The following HPGDS variants were observed in gnomAD, a reference collection of about 807,000 sequenced individuals.
HPGDS encodes hematopoietic prostaglandin D synthase, also known as GST class-sigma.
A neutral mutation model predicts 23.1 loss-of-function variants in HPGDS; 26 were observed. The ratio of observed to expected loss-of-function variants is 1.13; its 90% CI spans 0.83 to 1.56. The LOEUF is 1.56. HPGDS is among the 40% of genes most tolerant of loss of function. The probability of loss-of-function intolerance (pLI) is 0.00; values close to 1 mark genes in which losing one functional copy is unlikely to be tolerated. For synonymous variants in HPGDS, 95 were observed against 77.9 expected (o/e 1.22, Z -1.16); for missense variants, 268 against 236.4 (o/e 1.13, Z -0.88).
intron 4 of HPGDS, among the ~76,000 whole-genome samples, chr4:94,307,795 A>G (rs2126036103): frequency 1.3e-5 from 2 of 152,274 alleles, no homozygotes; most frequent in South Asian, 4.1e-4. Context: ...GCAATTACTA[A>G]TTTTAAGGAA....
chr4:94,319,199 A>T (rs1168668806), intron 2 of HPGDS, among the ~76,000 whole-genome samples: 1 of 152,160 alleles, frequency 6.6e-6, no homozygotes, highest in Non-Finnish European at 1.5e-5. Context: ...TATTTGCTTC[A>T]TATATTTGGG....
intron 2 of HPGDS, 90 bp from the exon 3 acceptor site, chr4:94,318,055 A>T: frequency 1.4e-6 from 1 of 710,914 alleles, no homozygotes; most frequent in South Asian, 1.8e-5. Context: ...AAAACAAAGC[A>T]TGATTTTATG....
At chr4:94,310,951 G>T (rs1049777617) in intron 3 of HPGDS, among the ~76,000 whole-genome samples, 1 of 151,986 alleles carries the variant, frequency 6.6e-6, no homozygotes, top group African/African-American at 2.4e-5. Flanking sequence ...TGTTATTGGT[G>T]TATAAGAATA....
intron 2 of HPGDS, among the ~76,000 whole-genome samples, chr4:94,323,028 G>A (rs1399319123): frequency 6.6e-6 from 1 of 152,216 alleles, no homozygotes; most frequent in Non-Finnish European, 1.5e-5. Context: ...GTACCCAGTA[G>A]TCATTCAGGA....
chr4:94,328,154 G>A (rs1047780617), intron 2 of HPGDS, among the ~76,000 whole-genome samples: 10 of 152,254 alleles, frequency 6.6e-5, no homozygotes, highest in Non-Finnish European at 8.8e-5. Context: ...ACAATGGGGA[G>A]TCCCTCCCGG....
intron 3 of HPGDS, among the ~76,000 whole-genome samples, chr4:94,317,125 G>T (rs79590448): frequency 0.14 from 20,720 of 152,124 alleles, 1,739 homozygotes; most frequent in Non-Finnish European, 0.19. Flanking sequence ...TCTATGGCTT[G>T]GATCATAGCA....
intron 3 of HPGDS, among the ~76,000 whole-genome samples, chr4:94,312,848 A>T (rs1363483525): frequency 6.6e-6 from 1 of 152,214 alleles, no homozygotes; most frequent in East Asian, 1.9e-4. Flanking sequence ...TATTTAGGAT[A>T]GTTAGCTCTT....
chr4:94,335,885 C>A (rs983378692), intron 1 of HPGDS, among the ~76,000 whole-genome samples: 2 of 152,024 alleles, frequency 1.3e-5, no homozygotes, highest in African/African-American at 4.8e-5. Flanking sequence ...AAGTTGGGCT[C>A]AAGCCTCAAA....
chr4:94,304,379 G>C (rs1400655120), intron 4 of HPGDS, among the ~76,000 whole-genome samples: 2 of 152,030 alleles, frequency 1.3e-5, no homozygotes, highest in Non-Finnish European at 2.9e-5. Context: ...GGATTGTCAT[G>C]GTGACCAATA....
intron 3 of HPGDS, among the ~76,000 whole-genome samples, chr4:94,310,173 G>A (rs1005878544): frequency 6.6e-6 from 1 of 152,268 alleles, no homozygotes; most frequent in Non-Finnish European, 1.5e-5. Context: ...TGTTGCCATT[G>A]CTTTTGGTGT....
intron 2 of HPGDS, among the ~76,000 whole-genome samples, chr4:94,319,427 T>C (rs925954451): frequency 2.6e-5 from 4 of 152,206 alleles, no homozygotes; most frequent in African/African-American, 9.6e-5. Flanking sequence ...ACAGAGTTAA[T>C]TGTAGGCAGC....
At chr4:94,337,087 C>T (rs1315008183) in intron 1 of HPGDS, among the ~76,000 whole-genome samples, 1 of 152,116 alleles carries the variant, frequency 6.6e-6, no homozygotes, top group Non-Finnish European at 1.5e-5. Context: ...GCCTCAGCCT[C>T]CTGAGTAGCT....
At chr4:94,325,325 A>G (rs926751485) in intron 2 of HPGDS, among the ~76,000 whole-genome samples, 3 of 152,188 alleles carry the variant, frequency 2.0e-5, no homozygotes, top group Non-Finnish European at 2.9e-5. Context: ...GCTGTCAGAC[A>G]GGGACGTTTA....
rs573793346 is a variant in HPGDS, at chr4:94,317,790, G to C, written c.226+83C>G. The C allele has an allele frequency of 6.7e-5, 53 of 793,350 alleles. 1 individual carries two copies. In the African/African-American group the frequency reaches 8.6e-4, roughly 13 times the overall value. 49.1% of individuals were successfully genotyped at this position (793,350 alleles called of 1,614,324 possible). A position where few individuals can be genotyped will look rare whatever the true frequency, so the allele number is the denominator to read the frequency against. On this transcript the variant is annotated intron_variant, in intron 3 of 5. Transcript: ENST00000295256. ...TCTTATTTGTACTATAGTATGCTAT[G>C]CTAAAGTCATTTAATGAATATTGAA...
At chr4:94,314,881 T>G (rs147383880) in intron 3 of HPGDS, among the ~76,000 whole-genome samples, 3,773 of 152,280 alleles carry the variant, frequency 0.025, 105 homozygotes, top group African/African-American at 0.075. Flanking sequence ...TGCAGTTTGA[T>G]CTCAGACTGC....
intron 3 of HPGDS, among the ~76,000 whole-genome samples, chr4:94,310,777 G>T (rs962341229): frequency 6.6e-6 from 1 of 152,202 alleles, no homozygotes; most frequent in Admixed American, 6.5e-5. Context: ...AGCATGGAAT[G>T]TTCTTCCATT....
At chr4:94,340,311 C>CTTTTTCTTTTCTTTTTTTTTTTTTTTTTT (rs1560598005) in intron 1 of HPGDS, among the ~76,000 whole-genome samples, 6 of 23,684 alleles carry the variant, frequency 2.5e-4, no homozygotes, top group South Asian at 1.6e-3. Context: ...CTTTCTTTCT[C>CTTTTTCTTTTCTTTTTTTTTTTTTTTTTT]TTTTTTTTTT....
chr4:94,325,182 A>G (rs1324212179), intron 2 of HPGDS, among the ~76,000 whole-genome samples: 1 of 152,136 alleles, frequency 6.6e-6, no homozygotes, highest in Non-Finnish European at 1.5e-5. Flanking sequence ...CAGCTGTATG[A>G]GGTGTCAGTC....
chr4:94,325,852 CCATCTTCTG>C (rs1386120014), intron 2 of HPGDS, among the ~76,000 whole-genome samples: 1 of 152,176 alleles, frequency 6.6e-6, no homozygotes, highest in Non-Finnish European at 1.5e-5. Context: ...CAGAAATCAC[CCATCTTCTG>C]CATCAGTCAC....
Sources: allele counts gnomAD v4.1 joint callset (sites outside exome capture counted in the v4.1 genomes callset), GRCh38; gene constraint gnomAD v4.1.1; transcripts MANE v1.5; gene names NCBI Gene and HGNC (gene_info 2026-07-23, HGNC 2026-07-21).